The following URB1 variants were observed in gnomAD, a reference collection of about 807,000 sequenced individuals.
URB1 encodes nucleolar pre-ribosomal-associated protein 1.
URB1 carries 197 observed loss-of-function variants against 242.3 expected under a neutral mutation model. That is an observed-to-expected ratio of 0.81 (90% CI 0.72 to 0.91). The LOEUF (loss-of-function observed/expected upper bound fraction) is 0.91, where lower values mean the gene tolerates loss of function less well. Ranked by LOEUF, URB1 falls within the 40% of genes least tolerant of loss-of-function variation. The pLI is 0.00. For missense variants in URB1, 2,721 were observed against 2,860.5 expected (o/e 0.95, Z 1.11); for synonymous variants, 1,153 against 1,201.8 (o/e 0.96, Z 0.84).
chr21:32,311,800 C>T lies in URB1; in HGVS notation c.*3118G>A, dbSNP rs552729042. On this transcript the variant is annotated 3_prime_UTR_variant, in exon 39 of 39. Transcript: ENST00000382751. ...CCCCTGGCAACCTCACAGGCTCAGG[C>T]GAGCTCAGTGGAGCCAGGGAGCAGA... 20 of 1,614,062 alleles carry T rather than the reference C, an allele frequency of 1.2e-5. No individual in the cohort carries two copies. The highest frequency in any genetic ancestry group is 3.3e-4 in the Middle Eastern group (2 of 6,062).
In URB1 at chr21:32,311,630, T is replaced by C. The variant is rs984621913; in HGVS notation, c.*3288A>G. The C allele has an allele frequency of 3.8e-6, 6 of 1,596,472 alleles. No homozygotes were observed. The highest frequency in any genetic ancestry group is 5.1e-6 in the Non-Finnish European group (6 of 1,171,814). On this transcript the variant is annotated 3_prime_UTR_variant, in exon 39 of 39. Transcript: ENST00000382751. ...CAGGAAACCCCCCAGCCCCACAGTA[T>C]GGACTGTTCTGCAGCAACTATGATG...
chr21:32,347,216 G>A lies in URB1; in HGVS notation c.3608C>T (p.Thr1203Ile). ...GGCCAGCACAGGGTCTCTCTGCAGA[G>A]TGTGGAGGAGCACTGTGTCCAGCTC... ...VDELDTVLLHTLQRDPVLAPA... is the reference protein window; with the variant it reads ...VDELDTVLLHILQRDPVLAPA... Residue 1203 changes from threonine (T) to isoleucine (I), a missense_variant, in exon 22 of 39, where the codon ACT becomes ATT. Transcript: ENST00000382751. 4 of 1,550,604 alleles carry A rather than the reference G, an allele frequency of 2.6e-6. No homozygotes were observed. Among genetic ancestry groups the A allele is most frequent in the Non-Finnish European group, 3.5e-6 (4 of 1,146,978 alleles).
Position 32,325,213 on chromosome 21 carries a change from C to G in URB1, c.5121+16G>C. The G allele has an allele frequency of 6.5e-7, 1 of 1,544,940 alleles. No homozygotes were observed. The highest frequency in any genetic ancestry group is 8.8e-7 in the Non-Finnish European group (1 of 1,142,196). On this transcript the variant is annotated intron_variant, in intron 31 of 38. Transcript: ENST00000382751. ...AGGCCCACCCCCACAGTAGGATGTA[C>G]GCTCTTCCTACTTACCTGGGACTGC...
chr21:32,388,454 T>G lies in URB1; in HGVS notation c.143-2770A>C, dbSNP rs557089064. The stretch of plus-strand genomic sequence containing the variant: ...GGTGTTTTCAGATCCCCTTTTATGC[T>G]GCAACATTTTCCGCAGCAACCACCG... On this transcript the variant is annotated intron_variant, in intron 1 of 38. Coordinates refer to ENST00000382751, the MANE Select transcript of URB1 (RefSeq NM_014825.3). 2.9e-4 allele frequency among the ~76,000 whole-genome samples: 44 copies of G among 152,350 alleles called. 1 individual carries two copies. In the South Asian group the frequency reaches 8.9e-3, roughly 31 times the overall value.
intron 21 of URB1, among the ~76,000 whole-genome samples, chr21:32,348,343 T>C (rs2033117896): frequency 6.6e-6 from 1 of 152,172 alleles, no homozygotes; most frequent in East Asian, 1.9e-4. Flanking sequence ...GGAAAGTGGG[T>C]TGGGATTAAA....
At chr21:32,334,744 G>C (rs2032938088) in intron 28 of URB1, among the ~76,000 whole-genome samples, 2 of 152,296 alleles carry the variant, frequency 1.3e-5, no homozygotes, top group Non-Finnish European at 2.9e-5. Context: ...GCAGGGCTGG[G>C]ATTCAGACTC....
intron 12 of URB1, 137 bp from the exon 13 acceptor site, chr21:32,361,260 G>T: frequency 3.0e-6 from 2 of 668,916 alleles, no homozygotes; most frequent in South Asian, 2.0e-5. Context: ...GCTGAACCAA[G>T]TGTGGCACCA....
chr21:32,337,381 C>T (rs920704869), intron 27 of URB1, 23 bp downstream of exon 27: 6 of 1,543,818 alleles, frequency 3.9e-6, no homozygotes, highest in Admixed American at 4.0e-5. Context: ...CCTGCTCACA[C>T]TACCCAGCCC....
At chr21:32,366,054 G>A (rs1309910447) in intron 10 of URB1, among the ~76,000 whole-genome samples, 1 of 152,192 alleles carries the variant, frequency 6.6e-6, no homozygotes, top group Non-Finnish European at 1.5e-5. Flanking sequence ...TGTGGCTTCT[G>A]ATGGGACATG....
chr21:32,392,953 G>T lies in URB1; in HGVS notation c.-43C>A. Reference sequence around the variant, plus strand: ...CGCGACGGAAACGACACACCTGAGGGGACCCGGCAGGAGCACTGGCACAGA... The same window carrying T: ...CGCGACGGAAACGACACACCTGAGGTGACCCGGCAGGAGCACTGGCACAGA... On this transcript the variant is annotated 5_prime_UTR_variant, in exon 1 of 39. Coordinates refer to ENST00000382751, the MANE Select transcript of URB1 (RefSeq NM_014825.3). 6.9e-7 allele frequency: 1 copy of T among 1,454,138 alleles called. No homozygotes were observed. Among genetic ancestry groups the T allele is most frequent in the Non-Finnish European group, 9.1e-7 (1 of 1,102,952 alleles). 90.1% of individuals were successfully genotyped at this position (1,454,138 alleles called of 1,614,324 possible).
chr21:32,350,229 T>G lies in URB1; in HGVS notation c.2832+475A>C, dbSNP rs1268334490. Among the ~76,000 whole-genome samples, 3 of 150,894 alleles carry G rather than the reference T, an allele frequency of 2.0e-5. No homozygotes were observed. The East Asian group carries it at 5.8e-4, about 29-fold the overall frequency. The stretch of plus-strand genomic sequence containing the variant: ...AGGCAGATCACTGTGAGCCCAGGAG[T>G]TTGAGACCAGCCTGACCAACATGGT... On this transcript the variant is annotated intron_variant, in intron 20 of 38. Transcript: ENST00000382751.
chr21:32,337,330 T>C (rs2032971834), intron 27 of URB1, 74 bp downstream of exon 27: 4 of 1,417,940 alleles, frequency 2.8e-6, no homozygotes, highest in Non-Finnish European at 3.9e-6. Flanking sequence ...CCAGCTCTCA[T>C]TCCCTATCTC....
chr21:32,352,929 T>C (rs369914420), intron 18 of URB1, 23 bp from the exon 19 acceptor site: 393 of 1,520,986 alleles, frequency 2.6e-4, no homozygotes, highest in Non-Finnish European at 3.4e-4. Context: ...GAGATGCATA[T>C]GGGAAGAGGC....
chr21:32,367,262 G>C (rs2033356534), intron 9 of URB1, among the ~76,000 whole-genome samples: 1 of 152,190 alleles, frequency 6.6e-6, no homozygotes, highest in Admixed American at 6.5e-5. Flanking sequence ...AAGCAGCCAA[G>C]TAAGGACTCA....
In URB1 at chr21:32,311,697, C is replaced by A. The variant is rs2032576947; in HGVS notation, c.*3221G>T. 4 of 1,613,868 alleles carry A rather than the reference C, an allele frequency of 2.5e-6. No individual in the cohort carries two copies. The highest frequency in any genetic ancestry group is 3.4e-6 in the Non-Finnish European group (4 of 1,179,956). ...CTCTGTTCACAGGAACAGCCCCAAG[C>A]ACCACCAAACATGCCCCTGGAGTCA... On this transcript the variant is annotated 3_prime_UTR_variant, in exon 39 of 39. Transcript: ENST00000382751.
Position 32,392,809 on chromosome 21 carries a change from C to A in URB1, c.102G>T (p.Arg34=). 6.5e-7 allele frequency: 1 copy of A among 1,530,160 alleles called. No homozygotes were observed. 94.8% of individuals were successfully genotyped at this position (1,530,160 alleles called of 1,614,324 possible). A position where few individuals can be genotyped will look rare whatever the true frequency, so the allele number is the denominator to read the frequency against. Reference sequence around the variant, plus strand: ...GCGGGTCCTTCAGCTGAGCCTTGAACCGCACGCCCGTGAGCTCTTCTTTGC... The same window carrying A: ...GCGGGTCCTTCAGCTGAGCCTTGAAACGCACGCCCGTGAGCTCTTCTTTGC... ...RARKEELTGV[R]FKAQLKDPQG... is the part of the protein sequence containing the mutation. The change falls in exon 1 of 39, where the codon CGG becomes CGT. Residue 34 remains arginine (R), a synonymous_variant. Transcript: ENST00000382751.
intron 9 of URB1, among the ~76,000 whole-genome samples, chr21:32,367,266 G>C (rs966632898): frequency 1.3e-5 from 2 of 152,152 alleles, no homozygotes; most frequent in African/African-American, 4.8e-5. Flanking sequence ...AGCCAAGTAA[G>C]GACTCAACAC....
chr21:32,370,429 A>G (rs569628711), intron 8 of URB1, among the ~76,000 whole-genome samples: 2 of 152,364 alleles, frequency 1.3e-5, no homozygotes, highest in Admixed American at 6.5e-5. Flanking sequence ...AAGGATATTA[A>G]ATCTACAAAG....
chr21:32,357,685 T>C (rs1301335763), intron 14 of URB1, 29 bp from the exon 15 acceptor site: 2 of 1,383,722 alleles, frequency 1.4e-6, no homozygotes, highest in South Asian at 1.9e-5. Context: ...TACGTATTTT[T>C]AGTATATATA....
Sources: allele counts gnomAD v4.1 joint callset (sites outside exome capture counted in the v4.1 genomes callset), GRCh38; gene constraint gnomAD v4.1.1; transcripts MANE v1.5; gene names NCBI Gene and HGNC (gene_info 2026-07-23, HGNC 2026-07-21).